The following GAREM2 variants were observed in gnomAD, a reference collection of about 807,000 sequenced individuals.
GAREM2 encodes the protein GRB2 associated regulator of MAPK1 subtype 2, also known as GRB2-associated and regulator of MAPK protein 2.
A neutral mutation model predicts 55.6 loss-of-function variants in GAREM2; 30 were observed. The observed-to-expected ratio is 0.54, with a 90% CI of 0.40 to 0.73. The LOEUF (loss-of-function observed/expected upper bound fraction) is 0.73. GAREM2 is among the 30% of genes least tolerant of loss of function. The pLI, the probability that GAREM2 is intolerant of heterozygous loss-of-function variation, is 0.00. For missense variants in GAREM2, 1,075 were observed against 1,257.7 expected (o/e 0.85, Z 2.20); for synonymous variants, 550 against 569.1 (o/e 0.97, Z 0.48).
At chr2:26,191,480 A>C (rs763085690), downstream of GAREM2, 1 of 1,614,182 alleles carries the variant, frequency 6.2e-7, no homozygotes, top group African/African-American at 1.3e-5. Context: ...CTGCGAGACC[A>C]ACCTCCCAGA....
At chr2:26,174,951 T>A (rs903371455) in intron 1 of GAREM2, among the ~76,000 whole-genome samples, 4 of 151,990 alleles carry the variant, frequency 2.6e-5, no homozygotes, top group Non-Finnish European at 4.4e-5. Flanking sequence ...GGAGCAGAGT[T>A]GGAGGAGAGC....
At chr2:26,198,400 G>T in the GAREM2 span, among the ~76,000 whole-genome samples, 399 of 148,038 alleles carry the variant, frequency 2.7e-3, 2 homozygotes, top group African/African-American at 9.6e-3. Context: ...TTTAAAGACA[G>T]AGTCTCGCTC....
chr2:26,193,514 C>A, downstream of GAREM2: 1 of 1,356,100 alleles, frequency 7.4e-7, no homozygotes, highest in South Asian at 1.2e-5. Context: ...ACTCTTTGGT[C>A]TCAGGAACTG....
chr2:26,184,762 T>C lies in GAREM2; in HGVS notation c.914T>C (p.Leu305Pro). Residue 305 changes from leucine (L) to proline (P), a missense_variant, in exon 4 of 6, where the codon CTG (leucine) becomes CCG (proline). Coordinates refer to ENST00000401533, the MANE Select transcript of GAREM2 (RefSeq NM_001168241.2). ...AAGACGGTGGTGCTGGGGCTGGCGC[T>C]GCGCCGCGAGGGCCCGGCGCCGCTG... ...ISKTVVLGLA[L>P]RREGPAPLHF... 6.7e-7 allele frequency: 1 copy of C among 1,496,924 alleles called. No homozygotes were observed. The highest frequency in any genetic ancestry group is 8.9e-7 in the Non-Finnish European group (1 of 1,128,776). 92.7% of individuals were successfully genotyped at this position (1,496,924 alleles called of 1,614,324 possible).
intron 4 of GAREM2, among the ~76,000 whole-genome samples, chr2:26,185,744 C>T (rs895212753): frequency 6.6e-5 from 10 of 152,150 alleles, no homozygotes; most frequent in African/African-American, 2.4e-4. Context: ...TCTCCCTGCC[C>T]GTAACACCCG....
chr2:26,192,698 G>A (rs1669544872), downstream of GAREM2, among the ~76,000 whole-genome samples: 1 of 151,966 alleles, frequency 6.6e-6, no homozygotes, highest in Non-Finnish European at 1.5e-5. Flanking sequence ...TTATGCCACT[G>A]CACTCCAGCC....
chr2:26,190,933 C>T (rs1669475727), downstream of GAREM2: 1 of 493,728 alleles, frequency 2.0e-6, no homozygotes. Context: ...CCCTCACCAC[C>T]CCTGGCCACC....
downstream of GAREM2, chr2:26,193,865 A>G (rs1469538563): frequency 4.1e-6 from 4 of 967,714 alleles, no homozygotes; most frequent in Non-Finnish European, 6.7e-6. Context: ...TGCCTTGTGT[A>G]AAACCCACTT....
downstream of GAREM2, chr2:26,191,144 G>GTT: frequency 8.5e-7 from 1 of 1,173,606 alleles, no homozygotes; most frequent in East Asian, 2.4e-5. Context: ...CAGTGCCGGA[G>GTT]TTTGTCTTCT....
At chr2:26,183,862 A>G (rs1669134281) in intron 3 of GAREM2, among the ~76,000 whole-genome samples, 1 of 152,272 alleles carries the variant, frequency 6.6e-6, no homozygotes, top group Non-Finnish European at 1.5e-5. Flanking sequence ...GGGCATTATG[A>G]TCGCCCAAAT....
chr2:26,194,621 A>G (rs779881707), downstream of GAREM2: 28 of 1,610,456 alleles, frequency 1.7e-5, no homozygotes, highest in East Asian at 1.1e-4. Context: ...ACCTGGTAGT[A>G]TAGAAGCCAG....
chr2:26,201,124 T>C, the GAREM2 span: 1 of 1,569,656 alleles, frequency 6.4e-7, no homozygotes, highest in East Asian at 2.2e-5. Flanking sequence ...ACACTAGGAT[T>C]CAAGTACAAC....
chr2:26,200,458 G>A, the GAREM2 span, among the ~76,000 whole-genome samples: 14 of 152,284 alleles, frequency 9.2e-5, no homozygotes, highest in Non-Finnish European at 1.6e-4. Context: ...GGCCAAAGCA[G>A]CATTTCCACA....
chr2:26,187,541 G>C lies in GAREM2; in HGVS notation c.1909G>C (p.Ala637Pro). 5 of 1,536,878 alleles carry C rather than the reference G, an allele frequency of 3.3e-6. No homozygotes were observed. Among genetic ancestry groups the C allele is most frequent in the Non-Finnish European group, 4.4e-6 (5 of 1,140,552 alleles). Residue 637 changes from alanine to proline, a missense_variant, in exon 6 of 6, where the codon GCC becomes CCC. By Grantham distance (27) the Ala-to-Pro change is conservative (BLOSUM62 -1). Coordinates refer to ENST00000401533, the MANE Select transcript of GAREM2 (RefSeq NM_001168241.2). ...FGALNPFSGP[A>P]YPSGPSAALS... ...AGCTCTCAACCCTTTTTCCGGGCCT[G>C]CCTACCCCTCAGGCCCTTCAGCGGC...
At chr2:26,203,542 C>T in the GAREM2 span, among the ~76,000 whole-genome samples, 1 of 152,184 alleles carries the variant, frequency 6.6e-6, no homozygotes, top group East Asian at 1.9e-4. Context: ...GGGATCAGTT[C>T]ATGGCTTCTC....
chr2:26,188,261 G>A lies in GAREM2; in HGVS notation c.*4G>A. The A allele has an allele frequency of 6.9e-7, 1 of 1,456,164 alleles. No homozygotes were observed. Among genetic ancestry groups the A allele is most frequent in the Non-Finnish European group, 9.1e-7 (1 of 1,093,098 alleles). The allele number at this position is 1,456,164 out of a possible 1,614,324, so 90.2% of individuals were successfully genotyped here. A position where few individuals can be genotyped will look rare whatever the true frequency, so the allele number is the denominator to read the frequency against. On this transcript the variant is annotated 3_prime_UTR_variant, in exon 6 of 6. Transcript: ENST00000401533. ...AGGCTGGAGGCCCAAGATCTGAACT[G>A]CCCAGCTGGAGCTGCACAGCTGGAA... is the stretch of plus-strand genomic sequence containing the variant.
chr2:26,198,380 GT>G, the GAREM2 span, among the ~76,000 whole-genome samples: 18 of 117,414 alleles, frequency 1.5e-4, no homozygotes, highest in South Asian at 2.8e-4. Flanking sequence ...TTTTTTTTTT[GT>G]TTTTTTTTTT....
chr2:26,184,629 G>T lies in GAREM2; in HGVS notation c.781G>T (p.Val261Leu), dbSNP rs1407889991. ...CACGGTGCGCGCCATCATCGAGCGC[G>T]TGAGGCTGCCGGTGAACGTGCTGGT... is the stretch of plus-strand genomic sequence containing the variant. ...EHTVRAIIER[V>L]RLPVNVLVPS... The change falls in exon 4 of 6, where the codon GTG (valine) becomes TTG (leucine). Residue 261 changes from valine (V) to leucine (L), a missense_variant. Around this residue, in one of 6 missense-constraint regions of GAREM2, gnomAD observed 170 missense variants for 220.7 expected, o/e 0.77. Transcript: ENST00000401533. 6.5e-7 allele frequency: 1 copy of T among 1,547,534 alleles called. No individual in the cohort carries two copies.
At chr2:26,193,315 GA>G (rs1395483503), downstream of GAREM2, among the ~76,000 whole-genome samples, 2 of 59,788 alleles carry the variant, frequency 3.3e-5, no homozygotes, top group East Asian at 3.0e-3. Context: ...TTTTTTTTGA[GA>G]AGGGGCCTCG....
Sources: gnomAD v4.1 joint callset for allele counts (sites outside exome capture counted in the v4.1 genomes callset) on GRCh38, gnomAD v4.1.1 for gene constraint, gnomAD v4.1.1 regional missense constraint, MANE v1.5 for transcripts, NCBI Gene and HGNC (gene_info 2026-07-23, HGNC 2026-07-21) for gene names.